Variants in EYA4 observed in about 807,000 individuals in gnomAD.
EYA4 encodes the protein protein phosphatase EYA4.
EYA4 carries 31 observed loss-of-function variants against 87.9 expected under a neutral mutation model. The ratio of observed to expected loss-of-function variants is 0.35; its 90% CI spans 0.27 to 0.48. The LOEUF is 0.48. Ranked by LOEUF, EYA4 falls within the 20% of genes least tolerant of loss-of-function variation. EYA4 has a pLI of 0.99. For synonymous variants in EYA4, 263 were observed against 270.6 expected (o/e 0.97, Z 0.28); for missense variants, 678 against 761.4 (o/e 0.89, Z 1.29).
chr6:133,461,383 A>G (rs576214780), intron 7 of EYA4, among the ~76,000 whole-genome samples: 1 of 152,288 alleles, frequency 6.6e-6, no homozygotes, highest in African/African-American at 2.4e-5. Context: ...CTCAAATTAG[A>G]ATACATTGCA....
At chr6:133,462,106 G>A in intron 7 of EYA4, 1 of 556,166 alleles carries the variant, frequency 1.8e-6, no homozygotes, top group Non-Finnish European at 3.2e-6. Flanking sequence ...TTTTACAGGT[G>A]TGGTATAGAC....
intron 2 of EYA4, among the ~76,000 whole-genome samples, chr6:133,314,610 A>G (rs1582929110): frequency 6.6e-6 from 1 of 152,186 alleles, no homozygotes; most frequent in Admixed American, 6.5e-5. Flanking sequence ...CTTCAGGTAC[A>G]CTGGTGTAAC....
At chr6:133,402,721 T>TACAC (rs66487611) in intron 3 of EYA4, among the ~76,000 whole-genome samples, 9,579 of 148,224 alleles carry the variant, frequency 0.065, 922 homozygotes, top group African/African-American at 0.21. Context: ...TGAAATGTGA[T>TACAC]ACACACACAC....
chr6:133,514,301 G>T (rs1223020617), intron 16 of EYA4, among the ~76,000 whole-genome samples: 2 of 152,144 alleles, frequency 1.3e-5, no homozygotes, highest in Non-Finnish European at 2.9e-5. Flanking sequence ...AAAATCAATG[G>T]TAGATAATAT....
chr6:133,529,480 G>A lies in EYA4; in HGVS notation c.*675G>A, dbSNP rs1004167401. Reference sequence around the variant, plus strand: ...GTGCCTTAAAGACAAGACAGCATTTGTGTGTTACAATGTAACTTTGGTTAA... The same window carrying A: ...GTGCCTTAAAGACAAGACAGCATTTATGTGTTACAATGTAACTTTGGTTAA... On this transcript the variant is annotated 3_prime_UTR_variant, in exon 20 of 20. Transcript: ENST00000355286. 7 of 976,864 alleles carry A rather than the reference G, an allele frequency of 7.2e-6. No homozygotes were observed. The highest frequency in any genetic ancestry group is 8.5e-6 in the Non-Finnish European group (7 of 824,206). 60.5% of individuals were successfully genotyped at this position (976,864 alleles called of 1,614,324 possible). A position where few individuals can be genotyped will look rare whatever the true frequency, so the allele number is the denominator to read the frequency against.
In EYA4 at chr6:133,315,146, T is replaced by G. The variant is rs985746431; in HGVS notation, c.33+40333T>G. 2.0e-5 allele frequency among the ~76,000 whole-genome samples: 3 copies of G among 152,160 alleles called. No individual in the cohort carries two copies. In the East Asian group the frequency reaches 5.8e-4, roughly 29 times the overall value. ...GGAACCCCTGAACAATAAAGATCTG[T>G]GATTACTGAAGCGGCTCAGAATTTC... is the stretch of plus-strand genomic sequence containing the variant. On this transcript the variant is annotated intron_variant, in intron 2 of 19. Coordinates refer to ENST00000355286, the MANE Select transcript of EYA4 (RefSeq NM_004100.5).
At chr6:133,403,582 A>G (rs1788446803) in intron 3 of EYA4, among the ~76,000 whole-genome samples, 1 of 152,240 alleles carries the variant, frequency 6.6e-6, no homozygotes, top group Non-Finnish European at 1.5e-5. Context: ...GAAAGTGTTC[A>G]TTAAGAAAGA....
At chr6:133,406,044 A>G (rs1039622900) in intron 3 of EYA4, among the ~76,000 whole-genome samples, 1 of 148,752 alleles carries the variant, frequency 6.7e-6, no homozygotes, top group Non-Finnish European at 1.5e-5. Context: ...CTACCTACCT[A>G]TCTTCTATCT....
Position 133,443,368 on chromosome 6 carries a change from T to A in EYA4, c.84-3262T>A, listed in dbSNP as rs142424397. The stretch of plus-strand genomic sequence containing the variant: ...TTAATTGGATCAATTTTAATAAATG[T>A]GTCTTTCAGGAAATTCACTGATTTT... On this transcript the variant is annotated intron_variant, in intron 3 of 19. Coordinates refer to ENST00000355286, the MANE Select transcript of EYA4 (RefSeq NM_004100.5). Among the ~76,000 whole-genome samples, 1,113 of 152,116 alleles carry A rather than the reference T, an allele frequency of 7.3e-3. 18 individuals carry two copies. The highest frequency in any genetic ancestry group is 0.026 in the African/African-American group (1,064 of 41,556).
chr6:133,262,264 A>T (rs1329077747), intron 1 of EYA4, among the ~76,000 whole-genome samples: 2 of 152,248 alleles, frequency 1.3e-5, no homozygotes, highest in Non-Finnish European at 2.9e-5. Context: ...AAAAAGGCAG[A>T]TTGCTTCTAA....
chr6:133,461,088 T>G, intron 6 of EYA4, 26 bp from the exon 7 acceptor site: 1 of 1,536,792 alleles, frequency 6.5e-7, no homozygotes, highest in Non-Finnish European at 9.0e-7. Context: ...CAACCTTTGG[T>G]GCACTGGTAT....
intron 2 of EYA4, among the ~76,000 whole-genome samples, chr6:133,275,479 A>G (rs991661627): frequency 8.6e-5 from 13 of 150,792 alleles, no homozygotes; most frequent in African/African-American, 2.7e-4. Context: ...CATACGGACA[A>G]CTCATGATGT....
chr6:133,365,287 G>A (rs1460025574), intron 2 of EYA4, among the ~76,000 whole-genome samples: 1 of 151,962 alleles, frequency 6.6e-6, no homozygotes, highest in African/African-American at 2.4e-5. Flanking sequence ...TTGCACATAG[G>A]GTAAAATCTC....
intron 6 of EYA4, 108 bp downstream of exon 6, chr6:133,456,756 T>C: frequency 1.4e-6 from 1 of 725,368 alleles, no homozygotes; most frequent in South Asian, 1.6e-5. Flanking sequence ...CTTTGATCCT[T>C]ATAAAGTTAG....
chr6:133,524,330 T>C (rs1800440569), intron 18 of EYA4, among the ~76,000 whole-genome samples: 1 of 152,206 alleles, frequency 6.6e-6, no homozygotes, highest in Non-Finnish European at 1.5e-5. Flanking sequence ...TCCATTAAGC[T>C]AGTATTTTTT....
intron 2 of EYA4, among the ~76,000 whole-genome samples, chr6:133,366,404 G>A (rs1445871662): frequency 1.3e-5 from 2 of 152,142 alleles, no homozygotes; most frequent in Non-Finnish European, 2.9e-5. Context: ...ATCTCAGGTG[G>A]TGATAAAAAT....
chr6:133,263,568 G>A (rs1775969088), intron 1 of EYA4, among the ~76,000 whole-genome samples: 1 of 152,182 alleles, frequency 6.6e-6, no homozygotes, highest in African/African-American at 2.4e-5. Flanking sequence ...TTAGATCCAA[G>A]TAATTTCGTG....
At chr6:133,516,886 A>T (rs189603928) in intron 17 of EYA4, among the ~76,000 whole-genome samples, 191 of 152,244 alleles carry the variant, frequency 1.3e-3, no homozygotes, top group Middle Eastern at 6.8e-3. Context: ...CATGGTGTAC[A>T]TGTACCACAT....
rs1786731288 is a variant in EYA4, at chr6:133,386,180, T to A, written c.83+3739T>A. Among the ~76,000 whole-genome samples, 3 of 152,176 alleles carry A rather than the reference T, an allele frequency of 2.0e-5. No individual in the cohort carries two copies. The East Asian group carries it at 5.8e-4, about 29-fold the overall frequency. ...CCCTAAAATTAAGTTTGTTACTAGA[T>A]AGACCATCTTAAAACATAAACTGAA... On this transcript the variant is annotated intron_variant, in intron 3 of 19. Transcript: ENST00000355286.
Sources: allele counts gnomAD v4.1 joint callset (sites outside exome capture counted in the v4.1 genomes callset), GRCh38; gene constraint gnomAD v4.1.1; transcripts MANE v1.5; gene names NCBI Gene and HGNC (gene_info 2026-07-23, HGNC 2026-07-21).